The following ACTN1 variants were observed in gnomAD, a reference collection of about 807,000 sequenced individuals.
ACTN1 encodes the protein alpha-actinin-1.
A neutral mutation model predicts 119.6 loss-of-function variants in ACTN1; 30 were observed. That is an observed-to-expected ratio of 0.25 (90% CI 0.19 to 0.34). ACTN1 has a LOEUF of 0.34. Ranked by LOEUF, ACTN1 falls within the 10% of genes least tolerant of loss-of-function variation. ACTN1 has a pLI of 1.00. For missense variants in ACTN1, 764 were observed against 1,223.4 expected (o/e 0.62, Z 5.60); for synonymous variants, 429 against 472.6 (o/e 0.91, Z 1.20).
intron 8 of ACTN1, among the ~76,000 whole-genome samples, 196 bp downstream of exon 8, chr14:68,902,281 G>A (rs560514918): frequency 6.6e-6 from 1 of 151,746 alleles, no homozygotes; most frequent in African/African-American, 2.4e-5. Context: ...AGTAGAAGAT[G>A]AGAGAGAGAG....
chr14:68,929,037 T>C (rs2035081631), intron 1 of ACTN1, among the ~76,000 whole-genome samples: 1 of 150,372 alleles, frequency 6.7e-6, no homozygotes, highest in Non-Finnish European at 1.5e-5. Flanking sequence ...CTGTGGCGGG[T>C]TCGTGGGAGA....
At position 68,890,408 on chromosome 14, in the gene ACTN1, C is replaced by G. The variant is rs2032387402; in HGVS notation, c.1087-122G>C. 2.6e-6 allele frequency: 3 copies of G among 1,143,922 alleles called. 1 individual carries two copies. In the Middle Eastern group the frequency reaches 6.5e-4, roughly 246 times the overall value. The allele number at this position is 1,143,922 out of a possible 1,614,324, so 70.9% of individuals were successfully genotyped here. A position where few individuals can be genotyped will look rare whatever the true frequency, so the allele number is the denominator to read the frequency against. ...GGAAGAGCCTCTTCCCTATCTCTGCCCCATATCCACCCTAGCCAGGCTGCC... is the reference window on the plus strand; with the variant it reads ...GGAAGAGCCTCTTCCCTATCTCTGCGCCATATCCACCCTAGCCAGGCTGCC... On this transcript the variant is annotated intron_variant, in intron 10 of 21. Transcript: ENST00000394419.
chr14:68,933,893 C>T (rs2035354347), intron 1 of ACTN1, among the ~76,000 whole-genome samples: 2 of 151,450 alleles, frequency 1.3e-5, no homozygotes, highest in Non-Finnish European at 2.9e-5. Context: ...AGGAAGATTG[C>T]TTGAGCCTGG....
At chr14:68,886,396 A>G (rs743126) in intron 11 of ACTN1, 12,272 of 152,282 alleles carry the variant, frequency 0.081, 620 homozygotes, top group African/African-American at 0.14. Flanking sequence ...AAAGCTTAGG[A>G]AAAAAATTAC....
At chr14:68,968,427 G>A (rs535174453) in intron 1 of ACTN1, among the ~76,000 whole-genome samples, 1 of 152,356 alleles carries the variant, frequency 6.6e-6, no homozygotes, top group Admixed American at 6.5e-5. Flanking sequence ...CAAAGGAGAT[G>A]TGGGAGCAAA....
chr14:68,937,909 C>G (rs28574858), intron 1 of ACTN1, among the ~76,000 whole-genome samples: 86,020 of 151,760 alleles, frequency 0.57, 25,363 homozygotes, highest in East Asian at 0.78. Context: ...CTGTGCTCAG[C>G]GTTGAGTCCT....
intron 1 of ACTN1, among the ~76,000 whole-genome samples, chr14:68,959,658 A>T (rs965686699): frequency 1.3e-5 from 2 of 152,196 alleles, no homozygotes; most frequent in Non-Finnish European, 1.5e-5. Flanking sequence ...CATGGAATCT[A>T]AAAAAATCAA....
intron 1 of ACTN1, among the ~76,000 whole-genome samples, chr14:68,969,826 T>TA (rs1273267970): frequency 2.6e-5 from 4 of 152,004 alleles, no homozygotes. Flanking sequence ...GGAGAAAAGA[T>TA]AGAGTCTGAT....
chr14:68,932,544 T>G (rs1041508502), intron 1 of ACTN1, among the ~76,000 whole-genome samples: 7 of 131,130 alleles, frequency 5.3e-5, no homozygotes, highest in African/African-American at 1.8e-4. Context: ...TTTTTTAATT[T>G]TTCTTGGAGA....
In ACTN1 at chr14:68,895,341, C is replaced by T. The variant is rs556639348; in HGVS notation, c.763-1594G>A. 9.2e-5 allele frequency among the ~76,000 whole-genome samples: 14 copies of T among 152,280 alleles called. No individual in the cohort carries two copies. In the South Asian group the frequency reaches 2.9e-3, roughly 32 times the overall value. Reference sequence around the variant, plus strand: ...ACTCCTGACTGATCGCCATCTCTCTCGAGAACCAACAAGCACCCACGGGGA... The same window carrying T: ...ACTCCTGACTGATCGCCATCTCTCTTGAGAACCAACAAGCACCCACGGGGA... On this transcript the variant is annotated intron_variant, in intron 8 of 21. Coordinates refer to ENST00000394419, the MANE Select transcript of ACTN1 (RefSeq NM_001130004.2).
At position 68,879,001 on chromosome 14, in the gene ACTN1, G is replaced by T; in HGVS notation, c.2349C>A (p.Gly783=). The T allele has an allele frequency of 6.2e-7, 1 of 1,613,232 alleles. No homozygotes were observed. Among genetic ancestry groups the T allele is most frequent in the Non-Finnish European group, 8.5e-7 (1 of 1,179,832 alleles). Residue 783 remains glycine (G), a synonymous_variant, in exon 19 of 22, where the codon GGC becomes GGA. Coordinates refer to ENST00000394419, the MANE Select transcript of ACTN1 (RefSeq NM_001130004.2). The surrounding 1 kb of genome is among the most constrained non-coding windows in gnomAD (Gnocchi z 4.9). ...AGGAGGCGAGTACCTGGGGGTCGTT[G>T]CCAATATCATAACCCAAGCTGATGA... The part of the protein sequence containing the change: ...ACLISLGYDI[G]NDPQKKTGMM...
chr14:68,960,302 T>C (rs1594874339), intron 1 of ACTN1, among the ~76,000 whole-genome samples: 1 of 152,200 alleles, frequency 6.6e-6, no homozygotes, highest in South Asian at 2.1e-4. Context: ...CGGTTGTATA[T>C]TGTTTATTTG....
At chr14:68,910,065 C>G in intron 4 of ACTN1, 23 bp from the exon 5 acceptor site, 1 of 1,604,114 alleles carries the variant, frequency 6.2e-7, no homozygotes, top group Non-Finnish European at 8.5e-7. Context: ...GGATGGGCAG[C>G]GAGGTCAGAG....
Position 68,938,944 on chromosome 14 carries a change from C to T in ACTN1, c.106-13272G>A, listed in dbSNP as rs555626200. Among the ~76,000 whole-genome samples the T allele has an allele frequency of 5.9e-5, 9 of 152,266 alleles. No homozygotes were observed. In the East Asian group the frequency reaches 1.7e-3, roughly 29 times the overall value. On this transcript the variant is annotated intron_variant, in intron 1 of 21. Transcript: ENST00000394419. ...TGGAGCCTGCATTTCCTGGTTTACA[C>T]CCATCTACAGCCCATTTCAAAAGAC...
At chr14:68,890,060 T>C (rs1271167468) in intron 11 of ACTN1, 79 bp downstream of exon 11, 1 of 1,548,404 alleles carries the variant, frequency 6.5e-7, no homozygotes, top group Non-Finnish European at 8.7e-7. Flanking sequence ...AAGCAAAGAA[T>C]AGCATAGTGG....
intron 8 of ACTN1, among the ~76,000 whole-genome samples, chr14:68,901,791 C>A (rs747353562): frequency 6.6e-6 from 1 of 152,226 alleles, no homozygotes; most frequent in Non-Finnish European, 1.5e-5. Flanking sequence ...ACCTGCACGA[C>A]TGAACTTTAA....
chr14:68,926,139 G>C (rs2034913740), intron 1 of ACTN1, among the ~76,000 whole-genome samples: 1 of 152,212 alleles, frequency 6.6e-6, no homozygotes, highest in Non-Finnish European at 1.5e-5. Flanking sequence ...TTGGCAGCCA[G>C]CTAAGAGAAA....
chr14:68,881,144 T>A (rs557143714), intron 16 of ACTN1, 155 bp from the exon 17 acceptor site: 1 of 646,534 alleles, frequency 1.5e-6, no homozygotes, highest in Non-Finnish European at 2.6e-6. Context: ...AGTAAGACAC[T>A]TTTAGCATGG....
At chr14:68,947,962 C>T (rs919749518) in intron 1 of ACTN1, among the ~76,000 whole-genome samples, 3 of 152,212 alleles carry the variant, frequency 2.0e-5, no homozygotes, top group African/African-American at 7.2e-5. Context: ...CGCACATAAT[C>T]CCTGCTTAGA....
Sources: allele counts gnomAD v4.1 joint callset (sites outside exome capture counted in the v4.1 genomes callset), GRCh38; gene constraint gnomAD v4.1.1; non-coding constraint Gnocchi (gnomAD v3.1); transcripts MANE v1.5; gene names NCBI Gene and HGNC (gene_info 2026-07-23, HGNC 2026-07-21).